The following TRAPPC8 variants were observed in gnomAD, a reference collection of about 807,000 sequenced individuals.
TRAPPC8 encodes trafficking protein particle complex subunit 8, also known as general sporulation gene 1 homolog.
In TRAPPC8, 54 loss-of-function variants were observed where a neutral mutation model predicts 174.3. The observed-to-expected ratio is 0.31, with a 90% CI of 0.25 to 0.39. The LOEUF (loss-of-function observed/expected upper bound fraction) is 0.39, where lower values mean the gene tolerates loss of function less well. Among genes scored for constraint, TRAPPC8 ranks in the 10% least tolerant of loss-of-function variants. TRAPPC8 has a pLI of 1.00. For synonymous variants in TRAPPC8, 630 were observed against 579.9 expected, an observed-to-expected ratio of 1.09 and a Z score of -1.24; for missense variants, 1,531 against 1,699.1, an observed-to-expected ratio of 0.90 and a Z score of 1.74.
intron 22 of TRAPPC8, among the ~76,000 whole-genome samples, chr18:31,853,216 C>T (rs2033805446): frequency 6.6e-6 from 1 of 152,114 alleles, no homozygotes; most frequent in African/African-American, 2.4e-5. Context: ...GTAAAGGAAA[C>T]AAAGAGAAAA....
intron 26 of TRAPPC8, among the ~76,000 whole-genome samples, chr18:31,842,008 C>A (rs1426862403): frequency 6.6e-6 from 1 of 152,154 alleles, no homozygotes; most frequent in African/African-American, 2.4e-5. Context: ...GCAGCTGGGA[C>A]TAAAGGCATG....
At chr18:31,920,081 A>G (rs1465777571) in intron 2 of TRAPPC8, among the ~76,000 whole-genome samples, 3 of 152,232 alleles carry the variant, frequency 2.0e-5, no homozygotes, top group Middle Eastern at 3.2e-3. Context: ...TAAGAAAATA[A>G]GAAATACATA....
intron 1 of TRAPPC8, among the ~76,000 whole-genome samples, chr18:31,933,584 A>T (rs992597972): frequency 2.6e-5 from 4 of 152,180 alleles, no homozygotes; most frequent in African/African-American, 9.7e-5. Context: ...AGCAGATACA[A>T]CATCACCTAT....
At chr18:31,937,315 G>C (rs1167963960) in intron 1 of TRAPPC8, among the ~76,000 whole-genome samples, 1 of 152,188 alleles carries the variant, frequency 6.6e-6, no homozygotes, top group Non-Finnish European at 1.5e-5. Context: ...TAAATTGCTT[G>C]AGTCCATGAG....
intron 5 of TRAPPC8, among the ~76,000 whole-genome samples, chr18:31,911,451 A>C (rs1001946380): frequency 1.4e-5 from 2 of 141,426 alleles, no homozygotes; most frequent in African/African-American, 5.3e-5. Flanking sequence ...ACTCCGTCTC[A>C]AAAAAAAAAA....
intron 5 of TRAPPC8, among the ~76,000 whole-genome samples, chr18:31,910,213 T>G (rs193085759): frequency 6.6e-6 from 1 of 152,172 alleles, no homozygotes; most frequent in Non-Finnish European, 1.5e-5. Flanking sequence ...CTGAATATAC[T>G]GAAGTGTTTT....
At chr18:31,910,518 C>A (rs115496780) in intron 5 of TRAPPC8, among the ~76,000 whole-genome samples, 1,911 of 152,222 alleles carry the variant, frequency 0.013, 38 homozygotes, top group African/African-American at 0.043. Flanking sequence ...TGAAAGTTGT[C>A]TTAATGGAAA....
chr18:31,862,327 T>C (rs1453222084), intron 19 of TRAPPC8, among the ~76,000 whole-genome samples: 10 of 150,932 alleles, frequency 6.6e-5, no homozygotes, highest in Non-Finnish European at 1.5e-4. Flanking sequence ...TAAAAGGGAC[T>C]TGGCTTGCCA....
rs1406939386 is a variant in TRAPPC8, at chr18:31,838,251, T to C, written c.3983+1061A>G. Among the ~76,000 whole-genome samples, 4 of 152,328 alleles carry C rather than the reference T, an allele frequency of 2.6e-5. No individual in the cohort carries two copies. The South Asian group carries it at 6.2e-4, about 24-fold the overall frequency. On this transcript the variant is annotated intron_variant, in intron 27 of 28. Transcript: ENST00000283351. ...TCTTCTCAGTAGCTATCCTAAAATT[T>C]CACTTTTTTCAAATTCTCTACCCTT... is the stretch of plus-strand genomic sequence containing the variant.
chr18:31,864,544 A>G, intron 19 of TRAPPC8, 83 bp downstream of exon 19: 2 of 1,369,722 alleles, frequency 1.5e-6, no homozygotes, highest in Non-Finnish European at 2.0e-6. Context: ...AATATCAAAA[A>G]CCTCAGAGCC....
In TRAPPC8 at chr18:31,855,820, A is replaced by T. The variant is rs1227421959; in HGVS notation, c.3189-13T>A. The T allele has an allele frequency of 1.3e-6, 2 of 1,555,522 alleles. No individual in the cohort carries two copies. Among genetic ancestry groups the T allele is most frequent in the East Asian group, 2.3e-5 (1 of 43,776 alleles). ...TAATATTCTGTGCCTGAAGTTAAAA[A>T]AAAAAAAAAAAGCACATTTAAGCAC... is the stretch of plus-strand genomic sequence containing the variant. On this transcript the variant is annotated splice_polypyrimidine_tract_variant and intron_variant, in intron 20 of 28. Transcript: ENST00000283351.
At chr18:31,891,940 C>T (rs1736763695) in intron 11 of TRAPPC8, among the ~76,000 whole-genome samples, 2 of 152,096 alleles carry the variant, frequency 1.3e-5, no homozygotes, top group Admixed American at 6.6e-5. Context: ...TCATCCTCCT[C>T]CTGACAAAAA....
intron 28 of TRAPPC8, among the ~76,000 whole-genome samples, chr18:31,831,534 A>G (rs536628755): frequency 3.9e-5 from 6 of 152,326 alleles, no homozygotes; most frequent in Non-Finnish European, 7.4e-5. Context: ...AAGAGTTAGT[A>G]TATGTTGGAA....
chr18:31,892,790 G>A (rs1229119181), intron 11 of TRAPPC8, among the ~76,000 whole-genome samples: 5 of 152,052 alleles, frequency 3.3e-5, no homozygotes, highest in East Asian at 1.9e-4. Context: ...TTTGGGAGCC[G>A]AAGGTGGGGG....
intron 11 of TRAPPC8, chr18:31,896,172 A>C (rs749615470): frequency 6.6e-6 from 1 of 152,266 alleles, no homozygotes; most frequent in Non-Finnish European, 1.5e-5. Flanking sequence ...AGGAAAGACT[A>C]TCTGAAGTAC....
chr18:31,941,474 A>G (rs549147208), intron 1 of TRAPPC8, among the ~76,000 whole-genome samples: 61 of 152,288 alleles, frequency 4.0e-4, no homozygotes, highest in African/African-American at 1.4e-3. Flanking sequence ...TAACAAAAAA[A>G]TAAAAAACGT....
At chr18:31,887,703 A>C (rs1456273077) in intron 12 of TRAPPC8, among the ~76,000 whole-genome samples, 2 of 151,970 alleles carry the variant, frequency 1.3e-5, no homozygotes. Flanking sequence ...AGCCAATATC[A>C]TACTGCATGG....
Position 31,871,033 on chromosome 18 carries a change from A to C in TRAPPC8, c.2150T>G (p.Val717Gly). ...SQQWRELEEQ[V>G]VSVVNKGVIP... Reference sequence around the variant, plus strand: ...TACTCCTTTGTTAACCACAGAAACAACTTGTTCCTCAAGTTCTCGCCACTG... The same window carrying C: ...TACTCCTTTGTTAACCACAGAAACACCTTGTTCCTCAAGTTCTCGCCACTG... Residue 717 changes from valine to glycine, a missense_variant, in exon 15 of 29, where the codon GTT becomes GGT. By Grantham distance (109) the Val-to-Gly change is moderately radical. Transcript: ENST00000283351. 1.2e-6 allele frequency: 2 copies of C among 1,611,458 alleles called. No homozygotes were observed. The highest frequency in any genetic ancestry group is 2.2e-5 in the South Asian group (2 of 90,708).
intron 11 of TRAPPC8, among the ~76,000 whole-genome samples, chr18:31,894,415 A>C (rs2036099724): frequency 6.6e-6 from 1 of 152,210 alleles, no homozygotes; most frequent in South Asian, 2.1e-4. Context: ...ATTTTAATAC[A>C]GTGGTGTATT....
Sources: gnomAD v4.1 joint callset for allele counts (sites outside exome capture counted in the v4.1 genomes callset) on GRCh38, gnomAD v4.1.1 for gene constraint, MANE v1.5 for transcripts, NCBI Gene and HGNC (gene_info 2026-07-23, HGNC 2026-07-21) for gene names.